Variants in NCAPG2 observed in about 807,000 individuals in gnomAD.
NCAPG2 encodes the protein non-SMC condensin II complex subunit G2, also known as condensin-2 complex subunit G2.
In NCAPG2, 53 loss-of-function variants were observed where a neutral mutation model predicts 141.1. The ratio of observed to expected loss-of-function variants is 0.38; its 90% CI spans 0.30 to 0.47. The LOEUF is 0.47. Among genes scored for constraint, NCAPG2 ranks in the 20% least tolerant of loss-of-function variants. The pLI, the probability that NCAPG2 is intolerant of heterozygous loss-of-function variation, is 0.99. For synonymous variants in NCAPG2, 499 were observed against 490.7 expected (o/e 1.02, Z -0.22); for missense variants, 1,087 against 1,389.0 (o/e 0.78, Z 3.46).
Position 158,680,073 on chromosome 7 carries a change from C to T in NCAPG2, c.1033G>A (p.Glu345Lys), listed in dbSNP as rs776333004. ...LWRGLKARNSEVRSNAALLFV... is the reference protein window; with the variant it reads ...LWRGLKARNSKVRSNAALLFV... ...AACAATGCAGCATTTGATCGAACTT[C>T]AGAGTTTCTGGCCTATAATAATAAA... The change falls in exon 11 of 28, where the codon GAA becomes AAA. Residue 345 changes from glutamate (E) to lysine (K), a missense_variant. Physicochemically the swap from Glu to Lys is moderately conservative, Grantham distance 56. Transcript: ENST00000356309. 4 of 1,613,882 alleles carry T rather than the reference C, an allele frequency of 2.5e-6. No individual in the cohort carries two copies. Among genetic ancestry groups the T allele is most frequent in the Non-Finnish European group, 3.4e-6 (4 of 1,179,850 alleles).
At chr7:158,640,861 A>G (rs942580873) in intron 27 of NCAPG2, 2 of 152,194 alleles carry the variant, frequency 1.3e-5, no homozygotes, top group Non-Finnish European at 2.9e-5. Flanking sequence ...GTTCAAAATA[A>G]TAATAGCAAC....
chr7:158,695,977 G>A (rs1835418223), intron 2 of NCAPG2, among the ~76,000 whole-genome samples: 2 of 152,244 alleles, frequency 1.3e-5, no homozygotes, highest in African/African-American at 4.8e-5. Flanking sequence ...CCCCAGCAAG[G>A]TGCCTTTTTG....
chr7:158,681,123 C>T (rs1834428207), intron 9 of NCAPG2, among the ~76,000 whole-genome samples: 1 of 152,198 alleles, frequency 6.6e-6, no homozygotes, highest in Non-Finnish European at 1.5e-5. Context: ...CAAAAAAAGA[C>T]TCGTTTAAAC....
rs903943591 is a variant in NCAPG2, at chr7:158,633,504, G to A, written c.3381-1787C>T. Among the ~76,000 whole-genome samples, 1 of 152,190 alleles carries A rather than the reference G, an allele frequency of 6.6e-6. No individual in the cohort carries two copies. The highest frequency in any genetic ancestry group is 2.4e-5 in the African/African-American group (1 of 41,458). ...AGCTATGTGGAGGCTGCCATGCAGC[G>A]ACACAGGAGACTCTGGGTGCCCCAC... On this transcript the variant is annotated intron_variant, in intron 27 of 27. Coordinates refer to ENST00000356309, the MANE Select transcript of NCAPG2 (RefSeq NM_017760.7). This position sits in a 1 kb window ranked among gnomAD's most constrained non-coding sequence, Gnocchi z 4.1.
intron 27 of NCAPG2, chr7:158,639,736 T>A (rs1421427080): frequency 1.9e-6 from 1 of 533,380 alleles, no homozygotes; most frequent in Admixed American, 6.4e-5. Flanking sequence ...AGTTACCAAC[T>A]AATGCTGAGA....
At chr7:158,680,217 G>A (rs556424566) in intron 10 of NCAPG2, 132 bp from the exon 11 acceptor site, 50 of 1,054,884 alleles carry the variant, frequency 4.7e-5, no homozygotes, top group East Asian at 3.0e-4. Context: ...CAATTATAAC[G>A]TTTAAATTGA....
At chr7:158,690,040 T>TG (rs1835024426) in intron 5 of NCAPG2, 87 bp from the exon 6 acceptor site, 1 of 1,147,070 alleles carries the variant, frequency 8.7e-7, no homozygotes, top group Non-Finnish European at 1.1e-6. Context: ...TCATAAATAA[T>TG]GGTAATTCTA....
At chr7:158,657,504 T>C (rs1001349858) in intron 17 of NCAPG2, among the ~76,000 whole-genome samples, 5 of 151,992 alleles carry the variant, frequency 3.3e-5, no homozygotes, top group African/African-American at 1.2e-4. Flanking sequence ...TAGGGCCCAT[T>C]GAAAATCACA....
intron 13 of NCAPG2, among the ~76,000 whole-genome samples, chr7:158,667,730 T>G (rs1445793104): frequency 5.4e-5 from 2 of 37,178 alleles, no homozygotes; most frequent in African/African-American, 3.2e-4. Flanking sequence ...CCTCCTTACC[T>G]ACCCTGTGGC....
At chr7:158,677,423 T>C (rs1040851871) in intron 11 of NCAPG2, among the ~76,000 whole-genome samples, 3 of 150,792 alleles carry the variant, frequency 2.0e-5, no homozygotes, top group African/African-American at 7.3e-5. Flanking sequence ...ACCTGCTAAC[T>C]ACCTTACCAA....
Position 158,658,243 on chromosome 7 carries a change from C to A in NCAPG2, c.2060+95G>T, listed in dbSNP as rs185303360. ...GGAAGAGGCCACAGTGAGCTGAAAG[C>A]TAAATGTTATGGTCTGCTGACATGA... On this transcript the variant is annotated intron_variant, in intron 17 of 27. Transcript: ENST00000356309. 145 of 1,178,202 alleles carry A rather than the reference C, an allele frequency of 1.2e-4. No individual in the cohort carries two copies. The African/African-American group carries it at 2.1e-3, about 17-fold the overall frequency. The allele number at this position is 1,178,202 out of a possible 1,614,324, so 73.0% of individuals were successfully genotyped here.
chr7:158,666,973 G>A (rs1055446398), intron 13 of NCAPG2, among the ~76,000 whole-genome samples: 5 of 152,134 alleles, frequency 3.3e-5, no homozygotes, highest in African/African-American at 2.4e-5. Flanking sequence ...TGCACGCCAG[G>A]CCCGGCAGCC....
rs59864781 is a variant in NCAPG2, at chr7:158,695,742, CATAG to C, written c.79-2249_79-2246del. 4.3e-3 allele frequency among the ~76,000 whole-genome samples: 661 copies of C among 152,368 alleles called. 36 individuals are homozygous for C. In the East Asian group the frequency reaches 0.11, roughly 26 times the overall value. The stretch of plus-strand genomic sequence containing the variant: ...CAGTGACGGCCCAGGCCTCTAGGGC[CATAG>C]GACACTGGGCAAAGGCAGGGCAACA... On this transcript the variant is annotated intron_variant, in intron 2 of 27. Coordinates refer to ENST00000356309, the MANE Select transcript of NCAPG2 (RefSeq NM_017760.7).
intron 13 of NCAPG2, chr7:158,665,053 CAATT>C (rs1255464016): frequency 1.7e-5 from 4 of 238,002 alleles, no homozygotes; most frequent in East Asian, 1.8e-4. Flanking sequence ...CTATGATTGT[CAATT>C]AATATTTTTT....
intron 7 of NCAPG2, among the ~76,000 whole-genome samples, chr7:158,687,016 C>A (rs959047762): frequency 2.0e-5 from 3 of 152,148 alleles, no homozygotes; most frequent in Non-Finnish European, 2.9e-5. Context: ...CGAGAAGCCA[C>A]CCTGGCCAGG....
chr7:158,667,080 T>C, intron 13 of NCAPG2: 2 of 957,208 alleles, frequency 2.1e-6, no homozygotes, highest in South Asian at 4.8e-5. Flanking sequence ...CTTATACTCA[T>C]GTCATTCTGT....
rs1396764601 is a variant in NCAPG2, at chr7:158,690,653, C to G, written c.452G>C (p.Trp151Ser). The G allele has an allele frequency of 1.2e-6, 2 of 1,614,116 alleles. No homozygotes were observed. Among genetic ancestry groups the G allele is most frequent in the Non-Finnish European group, 1.7e-6 (2 of 1,179,966 alleles). ...QSSIQDLCVT[W>S]WEKGLPAKED... ...CTTGGCAGGCAGGCCTTTCTCCCAC[C>G]AGGTAACACACAAATCCTGAATAGA... is the stretch of plus-strand genomic sequence containing the variant. Residue 151 changes from tryptophan to serine, a missense_variant, in exon 5 of 28, where the codon TGG (tryptophan) becomes TCG (serine). Physicochemically the swap from Trp to Ser is radical, Grantham distance 177. Coordinates refer to ENST00000356309, the MANE Select transcript of NCAPG2 (RefSeq NM_017760.7).
intron 19 of NCAPG2, 147 bp downstream of exon 19, chr7:158,656,113 G>C (rs1165313896): frequency 3.7e-6 from 4 of 1,082,290 alleles, no homozygotes; most frequent in East Asian, 2.5e-5. Flanking sequence ...TCCATGCCTT[G>C]TACCAACTGA....
At chr7:158,663,357 T>C (rs191591040) in intron 15 of NCAPG2, among the ~76,000 whole-genome samples, 86 of 152,360 alleles carry the variant, frequency 5.6e-4, no homozygotes, top group African/African-American at 2.0e-3. Flanking sequence ...CTCACTGAAC[T>C]CTTCTCTCTA....
Sources: gnomAD v4.1 joint callset for allele counts (sites outside exome capture counted in the v4.1 genomes callset) on GRCh38, gnomAD v4.1.1 for gene constraint, Gnocchi (gnomAD v3.1) non-coding constraint, MANE v1.5 for transcripts, NCBI Gene and HGNC (gene_info 2026-07-23, HGNC 2026-07-21) for gene names.